Variants in TMEM132B observed in about 807,000 individuals in gnomAD.
TMEM132B encodes transmembrane protein 132B.
TMEM132B carries 18 observed loss-of-function variants against 90.8 expected under a neutral mutation model. The ratio of observed to expected loss-of-function variants is 0.20; its 90% CI spans 0.14 to 0.29. The LOEUF is 0.29. TMEM132B is among the 10% of genes least tolerant of loss of function. TMEM132B has a pLI of 1.00. For missense variants in TMEM132B, 1,096 were observed against 1,326.8 expected (o/e 0.83, Z 2.70); for synonymous variants, 504 against 523.3 (o/e 0.96, Z 0.50).
intron 4 of TMEM132B, among the ~76,000 whole-genome samples, chr12:125,534,022 A>T (rs1477076665): frequency 6.6e-6 from 1 of 152,196 alleles, no homozygotes; most frequent in African/African-American, 2.4e-5. Flanking sequence ...GGGCAGAGAG[A>T]TGACTGTGGC....
At chr12:125,597,454 C>T (rs776530204) in intron 5 of TMEM132B, among the ~76,000 whole-genome samples, 2 of 152,174 alleles carry the variant, frequency 1.3e-5, no homozygotes, top group African/African-American at 2.4e-5. Flanking sequence ...ATTTCTAACT[C>T]TCTTAGAACT....
At chr12:125,422,080 T>C (rs1282085376) in intron 3 of TMEM132B, among the ~76,000 whole-genome samples, 1 of 152,260 alleles carries the variant, frequency 6.6e-6, no homozygotes, top group Non-Finnish European at 1.5e-5. Context: ...TGTTTGTCCA[T>C]TTCTTATTTT....
intron 1 of TMEM132B, among the ~76,000 whole-genome samples, chr12:125,264,607 G>T (rs1182833403): frequency 6.6e-6 from 1 of 152,182 alleles, no homozygotes; most frequent in East Asian, 1.9e-4. Flanking sequence ...GGTCTTTAGG[G>T]GTCTCAGAAG....
chr12:125,653,526 T>A, intron 8 of TMEM132B, 39 bp from the exon 9 acceptor site: 1 of 1,550,082 alleles, frequency 6.5e-7, no homozygotes, highest in Non-Finnish European at 8.7e-7. Context: ...TGTGAAGGAA[T>A]CTGATTATAA....
intron 1 of TMEM132B, among the ~76,000 whole-genome samples, chr12:125,296,028 G>T (rs983855110): frequency 6.6e-6 from 1 of 152,144 alleles, no homozygotes; most frequent in Non-Finnish European, 1.5e-5. Flanking sequence ...AAAAAGAAAA[G>T]GTTGCCCTTG....
chr12:125,648,408 G>T (rs890895928), intron 6 of TMEM132B, among the ~76,000 whole-genome samples: 30 of 151,994 alleles, frequency 2.0e-4, no homozygotes, highest in Non-Finnish European at 2.9e-4. Context: ...ACTGTAATAA[G>T]TTATGCTTGT....
intron 1 of TMEM132B, among the ~76,000 whole-genome samples, chr12:125,275,921 G>T (rs1164629742): frequency 3.9e-5 from 6 of 152,090 alleles, no homozygotes; most frequent in African/African-American, 1.4e-4. Flanking sequence ...CCTATGTTGT[G>T]CAGTCTGGTC....
At chr12:125,627,404 GAAGA>G (rs1272221056) in intron 5 of TMEM132B, among the ~76,000 whole-genome samples, 2 of 151,926 alleles carry the variant, frequency 1.3e-5, no homozygotes, top group Non-Finnish European at 2.9e-5. Flanking sequence ...TTTCATCTCA[GAAGA>G]TACTGAGATG....
intron 3 of TMEM132B, among the ~76,000 whole-genome samples, chr12:125,502,359 A>G (rs958524907): frequency 6.6e-6 from 1 of 152,264 alleles, no homozygotes; most frequent in Non-Finnish European, 1.5e-5. Flanking sequence ...CTCACTCAAA[A>G]TATGAGCTCT....
intron 3 of TMEM132B, among the ~76,000 whole-genome samples, chr12:125,466,821 T>C (rs1881574392): frequency 6.6e-6 from 1 of 152,212 alleles, no homozygotes; most frequent in South Asian, 2.1e-4. Context: ...CAATGAGTCA[T>C]TGAGGGCTTA....
chr12:125,547,532 G>T (rs954811174), intron 4 of TMEM132B, among the ~76,000 whole-genome samples: 1 of 152,038 alleles, frequency 6.6e-6, no homozygotes, highest in African/African-American at 2.4e-5. Context: ...TAGATATTTT[G>T]GAATCTGTTT....
At position 125,221,807 on chromosome 12, in the gene TMEM132B, C is replaced by G. The variant is rs181573291; in HGVS notation, c.67+34941C>G. Among the ~76,000 whole-genome samples, 3 of 152,258 alleles carry G rather than the reference C, an allele frequency of 2.0e-5. No homozygotes were observed. In the East Asian group the frequency reaches 5.8e-4, roughly 29 times the overall value. On this transcript the variant is annotated intron_variant, in intron 1 of 8. Transcript: ENST00000682704. ...GGCTTCCTGGAGGAGGTGTGACTTG[C>G]GTGGGGCCTTGAAGGTCTGGTATAA...
intron 2 of TMEM132B, among the ~76,000 whole-genome samples, chr12:125,414,372 T>G (rs426835): frequency 0.4 from 61,366 of 151,872 alleles, 12,975 homozygotes; most frequent in South Asian, 0.58. Flanking sequence ...ATCTTGGAGG[T>G]AATCTTTGCT....
chr12:125,623,914 G>A (rs1336685309), intron 5 of TMEM132B, among the ~76,000 whole-genome samples: 1 of 152,140 alleles, frequency 6.6e-6, no homozygotes, highest in Non-Finnish European at 1.5e-5. Context: ...TCCACTAAGT[G>A]GGCACAGATC....
intron 3 of TMEM132B, among the ~76,000 whole-genome samples, chr12:125,430,060 G>T (rs1237256992): frequency 6.6e-6 from 1 of 152,244 alleles, no homozygotes; most frequent in Non-Finnish European, 1.5e-5. Flanking sequence ...TGAAGGGACT[G>T]TGTTTCCTTC....
intron 3 of TMEM132B, among the ~76,000 whole-genome samples, chr12:125,417,130 C>G (rs1365926789): frequency 6.6e-6 from 1 of 152,138 alleles, no homozygotes; most frequent in African/African-American, 2.4e-5. Context: ...TTGTCACTCT[C>G]CAGCTTGGGT....
chr12:125,431,125 A>G (rs1170339721), intron 3 of TMEM132B, among the ~76,000 whole-genome samples: 1 of 152,190 alleles, frequency 6.6e-6, no homozygotes, highest in Non-Finnish European at 1.5e-5. Context: ...TTTATTCTGC[A>G]TGGGATGAGC....
At chr12:125,574,319 A>G (rs1884882399) in intron 4 of TMEM132B, among the ~76,000 whole-genome samples, 1 of 152,016 alleles carries the variant, frequency 6.6e-6, no homozygotes, top group African/African-American at 2.4e-5. Flanking sequence ...GAGAGCTATT[A>G]TTATTCTTTT....
chr12:125,328,403 C>T lies in TMEM132B; in HGVS notation c.68-21049C>T, dbSNP rs149830917. On this transcript the variant is annotated intron_variant, in intron 1 of 8. Transcript: ENST00000682704. Reference sequence around the variant, plus strand: ...GGACCTGGCTATTCCACGTGTCCTTCGGCTACTGTGTTAGTCTCCTGGGGC... The same window carrying T: ...GGACCTGGCTATTCCACGTGTCCTTTGGCTACTGTGTTAGTCTCCTGGGGC... 1.8e-3 allele frequency among the ~76,000 whole-genome samples: 276 copies of T among 152,292 alleles called. 2 individuals carry two copies. The highest frequency in any genetic ancestry group is 6.3e-3 in the African/African-American group (261 of 41,560).
Sources: gnomAD v4.1 joint callset for allele counts (sites outside exome capture counted in the v4.1 genomes callset) on GRCh38, gnomAD v4.1.1 for gene constraint, MANE v1.5 for transcripts, NCBI Gene and HGNC (gene_info 2026-07-23, HGNC 2026-07-21) for gene names.